SIL1: variants seen among roughly 807,000 people sequenced by gnomAD.
SIL1 encodes SIL1 nucleotide exchange factor, also known as nucleotide exchange factor SIL1.
A neutral mutation model predicts 49.1 loss-of-function variants in SIL1; 40 were observed. That is an observed-to-expected ratio of 0.81 (90% CI 0.63 to 1.06). The LOEUF is 1.06. Ranked by LOEUF, SIL1 falls within the 50% of genes least tolerant of loss-of-function variation. The pLI, the probability that SIL1 is intolerant of heterozygous loss-of-function variation, is 0.00. For synonymous variants in SIL1, 253 were observed against 250.8 expected, an observed-to-expected ratio of 1.01 and a Z score of -0.08; for missense variants, 500 against 572.6, an observed-to-expected ratio of 0.87 and a Z score of 1.29.
intron 7 of SIL1, among the ~76,000 whole-genome samples, chr5:138,954,529 G>A (rs911117088): frequency 2.0e-5 from 3 of 152,254 alleles, no homozygotes; most frequent in African/African-American, 7.2e-5. Context: ...CCCAGGCAAG[G>A]GGTTGAAGAA....
chr5:138,995,835 T>C (rs1193666058), intron 7 of SIL1, among the ~76,000 whole-genome samples: 1 of 152,252 alleles, frequency 6.6e-6, no homozygotes, highest in African/African-American at 2.4e-5. Flanking sequence ...GTACTTGGCT[T>C]ATTTCACTTA....
chr5:139,164,902 T>C (rs542848120), intron 1 of SIL1, among the ~76,000 whole-genome samples: 1 of 152,312 alleles, frequency 6.6e-6, no homozygotes, highest in African/African-American at 2.4e-5. Context: ...TACTTTCCAA[T>C]CTGACTCTGG....
At chr5:139,096,431 G>A (rs1265404592) in intron 3 of SIL1, among the ~76,000 whole-genome samples, 9 of 151,972 alleles carry the variant, frequency 5.9e-5, no homozygotes, top group Non-Finnish European at 8.8e-5. Context: ...ACGGTGGGGC[G>A]GCAGAAGAGT....
intron 3 of SIL1, among the ~76,000 whole-genome samples, chr5:139,069,058 T>C (rs1317413202): frequency 6.6e-6 from 1 of 152,044 alleles, no homozygotes; most frequent in East Asian, 1.9e-4. Context: ...GCCAGGAGTT[T>C]GAGACCAGCC....
intron 1 of SIL1, among the ~76,000 whole-genome samples, chr5:139,194,201 A>G (rs1752224036): frequency 6.6e-6 from 1 of 152,210 alleles, no homozygotes. Flanking sequence ...GATTCTGGGT[A>G]CAAATTTGCA....
intron 7 of SIL1, among the ~76,000 whole-genome samples, chr5:139,011,317 C>T (rs867370630): frequency 2.6e-5 from 4 of 152,086 alleles, no homozygotes; most frequent in African/African-American, 4.8e-5. Flanking sequence ...CGCCCTGCTT[C>T]GGCTCCCGCA....
chr5:138,960,661 G>A (rs1266944844), intron 7 of SIL1, among the ~76,000 whole-genome samples: 1 of 152,094 alleles, frequency 6.6e-6, no homozygotes, highest in Non-Finnish European at 1.5e-5. Flanking sequence ...TTGCCATGTT[G>A]GCCAGGCTGG....
At position 138,947,674 on chromosome 5, in the gene SIL1, G is replaced by A. The variant is rs1766667103; in HGVS notation, c.1030-201C>T. On this transcript the variant is annotated intron_variant, in intron 9 of 9. Coordinates refer to ENST00000394817, the MANE Select transcript of SIL1 (RefSeq NM_022464.5). The surrounding 1 kb of genome is among the most constrained non-coding windows in gnomAD (Gnocchi z 4.1). ...CCACCAACAGAAACACTTGTGTGGT[G>A]CCAGGTGCTGAAGAAACCACGATGG... Among the ~76,000 whole-genome samples the A allele has an allele frequency of 6.6e-6, 1 of 152,220 alleles. No individual in the cohort carries two copies. Among genetic ancestry groups the A allele is most frequent in the South Asian group, 2.1e-4 (1 of 4,822 alleles).
intron 7 of SIL1, among the ~76,000 whole-genome samples, chr5:138,958,252 T>C (rs987321060): frequency 1.3e-5 from 2 of 152,162 alleles, no homozygotes; most frequent in Admixed American, 6.5e-5. Flanking sequence ...ATTTGTCCAA[T>C]GTGTTCTAAT....
At chr5:139,192,509 G>A (rs762373947) in intron 1 of SIL1, among the ~76,000 whole-genome samples, 1 of 152,142 alleles carries the variant, frequency 6.6e-6, no homozygotes. Flanking sequence ...CCATTTCTCT[G>A]TAGATGTGAA....
intron 1 of SIL1, among the ~76,000 whole-genome samples, chr5:139,157,752 C>T (rs1751432084): frequency 6.6e-6 from 1 of 152,142 alleles, no homozygotes. Flanking sequence ...GCTATGAAAT[C>T]TTTGCAGAGG....
At chr5:139,036,568 C>T (rs1581048470) in intron 5 of SIL1, among the ~76,000 whole-genome samples, 1 of 152,128 alleles carries the variant, frequency 6.6e-6, no homozygotes, top group South Asian at 2.1e-4. Flanking sequence ...GAGCTGGAGG[C>T]CATTATTCTT....
chr5:139,155,964 C>G (rs963335743), intron 1 of SIL1, among the ~76,000 whole-genome samples: 1 of 152,068 alleles, frequency 6.6e-6, no homozygotes, highest in Non-Finnish European at 1.5e-5. Flanking sequence ...TCCCAAATAG[C>G]TGGGATTACA....
At chr5:139,169,915 G>C (rs1237874189) in intron 1 of SIL1, among the ~76,000 whole-genome samples, 3 of 120,318 alleles carry the variant, frequency 2.5e-5, no homozygotes, top group East Asian at 2.1e-4. Flanking sequence ...CTCTGATGCC[G>C]AGCCGAAGCT....
intron 1 of SIL1, among the ~76,000 whole-genome samples, chr5:139,151,076 C>A (rs1172788954): frequency 6.6e-6 from 1 of 152,088 alleles, no homozygotes; most frequent in African/African-American, 2.4e-5. Context: ...AAATAAAGGA[C>A]AAAATAGGTA....
At chr5:139,125,751 C>A (rs546166199) in intron 2 of SIL1, among the ~76,000 whole-genome samples, 14 of 152,124 alleles carry the variant, frequency 9.2e-5, no homozygotes, top group Admixed American at 1.3e-4. Flanking sequence ...AGGGATCTTA[C>A]GAAGGGCCTG....
At chr5:138,961,151 A>G (rs1431335268) in intron 7 of SIL1, among the ~76,000 whole-genome samples, 1 of 152,212 alleles carries the variant, frequency 6.6e-6, no homozygotes. Flanking sequence ...CTCTTAAGTC[A>G]CATCTCAAAA....
chr5:139,000,930 A>T (rs1767969735), intron 7 of SIL1, among the ~76,000 whole-genome samples: 1 of 151,912 alleles, frequency 6.6e-6, no homozygotes, highest in African/African-American at 2.4e-5. Flanking sequence ...ACTAAAACAT[A>T]AACAAAAGAC....
At chr5:138,991,006 A>G (rs932403192) in intron 7 of SIL1, among the ~76,000 whole-genome samples, 10 of 152,196 alleles carry the variant, frequency 6.6e-5, no homozygotes, top group African/African-American at 9.6e-5. Flanking sequence ...GTTAGCCACC[A>G]TGCCCCACCC....
Sources: gnomAD v4.1 joint callset for allele counts (sites outside exome capture counted in the v4.1 genomes callset) on GRCh38, gnomAD v4.1.1 for gene constraint, Gnocchi (gnomAD v3.1) non-coding constraint, MANE v1.5 for transcripts, NCBI Gene and HGNC (gene_info 2026-07-23, HGNC 2026-07-21) for gene names.